Variants in SPEG observed in about 807,000 individuals in gnomAD.
The protein encoded by SPEG is striated muscle preferentially expressed protein kinase.
A neutral mutation model predicts 300.4 loss-of-function variants in SPEG; 114 were observed. The observed-to-expected ratio is 0.38, with a 90% CI of 0.33 to 0.44. SPEG has a LOEUF of 0.44. Ranked by LOEUF, SPEG falls within the 20% of genes least tolerant of loss-of-function variation. The pLI, the probability that SPEG is intolerant of heterozygous loss-of-function variation, is 1.00. For missense variants in SPEG, 4,201 were observed against 4,586.2 expected, an observed-to-expected ratio of 0.92 and a Z score of 2.43; for synonymous variants, 1,964 against 2,018.9, an observed-to-expected ratio of 0.97 and a Z score of 0.73.
chr2:219,464,402 C>A lies in SPEG; in HGVS notation c.2706-31C>A, dbSNP rs1215307671. 1 of 1,593,340 alleles carries A rather than the reference C, an allele frequency of 6.3e-7. No individual in the cohort carries two copies. The highest frequency in any genetic ancestry group is 8.5e-7 in the Non-Finnish European group (1 of 1,173,412). On this transcript the variant is annotated intron_variant, in intron 8 of 40. Transcript: ENST00000312358. This position sits in a 1 kb window ranked among gnomAD's most constrained non-coding sequence, Gnocchi z 4.5. ...TGTGCACGCACATCAGGCCCCTGGGCCCTGGGACTGAGTTCTTGCCCCTCT... is the reference window on the plus strand; with the variant it reads ...TGTGCACGCACATCAGGCCCCTGGGACCTGGGACTGAGTTCTTGCCCCTCT...
intron 6 of SPEG, chr2:219,461,489 C>T (rs1371864713): frequency 2.8e-6 from 3 of 1,076,130 alleles, no homozygotes; most frequent in East Asian, 9.1e-5. Context: ...GTTCCATAGA[C>T]CTGCTTCCCC....
rs762497356 is a variant in SPEG, at chr2:219,467,157, G to A, written c.2882-17G>A. On this transcript the variant is annotated splice_polypyrimidine_tract_variant and intron_variant, in intron 9 of 40. Transcript: ENST00000312358. ...TCTCTGCTCTGTGCGTGGCCCCCGT[G>A]GCTGCTTTCCCCTCAGCACACCCTG... is the stretch of plus-strand genomic sequence containing the variant. 6.4e-7 allele frequency: 1 copy of A among 1,559,590 alleles called. No individual in the cohort carries two copies. The highest frequency in any genetic ancestry group is 8.7e-7 in the Non-Finnish European group (1 of 1,154,116).
At position 219,484,001 on chromosome 2, in the gene SPEG, C is replaced by A. The variant is rs369282283; in HGVS notation, c.6538C>A (p.Arg2180=). 6.2e-7 allele frequency: 1 copy of A among 1,612,548 alleles called. No individual in the cohort carries two copies. Residue 2180 remains arginine, a synonymous_variant, in exon 30 of 41, where the codon CGG becomes AGG. Transcript: ENST00000312358. ...LSEAQPSSPA[R]PSAPKPSTPK... The stretch of plus-strand genomic sequence containing the variant: ...CGAGGCCCAGCCATCCAGCCCTGCA[C>A]GGCCCAGCGCCCCCAAACCCAGTAC...
chr2:219,492,105 CA>C lies in SPEG; in HGVS notation c.9462-4del, dbSNP rs758971696. On this transcript the variant is annotated splice_region_variant and splice_polypyrimidine_tract_variant and intron_variant, in intron 39 of 40. Transcript: ENST00000312358. ...CATACGTCAATCAAGCTATCTTCCC[CA>C]ACAGGCTCAGTGGACGCTCCCCGTT... 1.2e-6 allele frequency: 2 copies of C among 1,609,190 alleles called. No homozygotes were observed. Among genetic ancestry groups the C allele is most frequent in the Admixed American group, 1.7e-5 (1 of 59,618 alleles).
rs1005379403 is a variant in SPEG at position 219,460,792 on chromosome 2, G to A, written c.2441-1090G>A. On this transcript the variant is annotated intron_variant, in intron 6 of 40. Coordinates refer to ENST00000312358, the MANE Select transcript of SPEG (RefSeq NM_005876.5). Reference sequence around the variant, plus strand: ...AACCTCCTCCTTCCCCTCCTCAGGCGCCTTCCCCTCCCCCAGGGCCTTCTC... The same window carrying A: ...AACCTCCTCCTTCCCCTCCTCAGGCACCTTCCCCTCCCCCAGGGCCTTCTC... The A allele has an allele frequency of 1.8e-5, 18 of 985,906 alleles. No homozygotes were observed. In the Admixed American group the frequency reaches 7.4e-4, roughly 40 times the overall value. The allele number at this position is 985,906 out of a possible 1,614,324, so 61.1% of individuals were successfully genotyped here.
chr2:219,474,177 T>C, intron 18 of SPEG: 1 of 321,936 alleles, frequency 3.1e-6, no homozygotes, highest in Non-Finnish European at 5.8e-6. Context: ...CAGGAGTTCG[T>C]GACCAGCCTC....
At position 219,489,534 on chromosome 2, in the gene SPEG, G is replaced by A. The variant is rs1354555779; in HGVS notation, c.8516G>A (p.Gly2839Asp). The change falls in exon 36 of 41, where the codon GGT (glycine) becomes GAT (aspartate). Residue 2839 changes from glycine (G) to aspartate (D), a missense_variant. Physicochemically the swap from Gly to Asp is moderately conservative, Grantham distance 94. Transcript: ENST00000312358. ...SQALSSLKAV[G>D]PPPQTPPRRH... ...GCCTTGTCCTCGCTCAAGGCTGTGG[G>A]TCCACCACCCCAAACCCCTCCACGA... The A allele has an allele frequency of 1.2e-6, 2 of 1,613,236 alleles. No individual in the cohort carries two copies. The highest frequency in any genetic ancestry group is 1.7e-6 in the Non-Finnish European group (2 of 1,179,872).
intron 18 of SPEG, among the ~76,000 whole-genome samples, chr2:219,476,666 A>ACGGGG (rs955205950): frequency 3.9e-5 from 5 of 128,652 alleles, no homozygotes; most frequent in African/African-American, 1.2e-4. Context: ...GTTTGGATTT[A>ACGGGG]CGGGGCGGGG....
intron 8 of SPEG, among the ~76,000 whole-genome samples, chr2:219,463,071 G>T (rs535376702): frequency 6.6e-6 from 1 of 152,086 alleles, no homozygotes. Context: ...TTAGCTGGAC[G>T]TGGTAGTACA....
chr2:219,492,804 A>G lies in SPEG; in HGVS notation c.*18A>G. The G allele has an allele frequency of 6.4e-7, 1 of 1,560,680 alleles. No individual in the cohort carries two copies. Among genetic ancestry groups the G allele is most frequent in the East Asian group, 2.3e-5 (1 of 43,000 alleles). On this transcript the variant is annotated 3_prime_UTR_variant, in exon 41 of 41. Transcript: ENST00000312358. ...GCCCCTAGAGGCACGGACCACAGCC[A>G]GGCCTCGGGCTTCAACTGGGGTTCC...
Position 219,480,742 on chromosome 2 carries a change from A to G in SPEG, c.5369+45A>G, listed in dbSNP as rs1263887622. ...GTCCCAGCAGTCTCCTGGCAGGTCT[A>G]CCCCTAACCTTTGCAGGGCTGCAGC... is the stretch of plus-strand genomic sequence containing the variant. On this transcript the variant is annotated intron_variant, in intron 26 of 40. Coordinates refer to ENST00000312358, the MANE Select transcript of SPEG (RefSeq NM_005876.5). This position sits in a 1 kb window ranked among gnomAD's most constrained non-coding sequence, Gnocchi z 5.3. 6.3e-7 allele frequency: 1 copy of G among 1,599,224 alleles called. No homozygotes were observed. Among genetic ancestry groups the G allele is most frequent in the South Asian group, 1.1e-5 (1 of 90,804 alleles).
At chr2:219,457,740 C>G (rs1217343226) in intron 6 of SPEG, among the ~76,000 whole-genome samples, 1 of 152,160 alleles carries the variant, frequency 6.6e-6, no homozygotes, top group African/African-American at 2.4e-5. Context: ...GTGGGAGGCA[C>G]CTGCTTGAAC....
chr2:219,472,375 G>C (rs766027534), intron 15 of SPEG, 44 bp downstream of exon 15: 2 of 1,548,936 alleles, frequency 1.3e-6, no homozygotes, highest in South Asian at 2.2e-5. Context: ...AAGGGGTGTG[G>C]AGAAGGCAGG....
At position 219,484,631 on chromosome 2, in the gene SPEG, C is replaced by G. The variant is rs1213809866; in HGVS notation, c.7168C>G (p.Arg2390Gly). The part of the protein sequence containing the change: ...TPLELVRRPE[R>G]SRSVQDLRAV... Reference sequence around the variant, plus strand: ...GCTGGAGCTGGTGCGACGGCCTGAGCGCTCACGCTCGGTGCAGGACCTCAG... The same window carrying G: ...GCTGGAGCTGGTGCGACGGCCTGAGGGCTCACGCTCGGTGCAGGACCTCAG... Residue 2390 changes from arginine (R) to glycine (G), a missense_variant, in exon 30 of 41, where the codon CGC (arginine) becomes GGC (glycine). Physicochemically the swap from Arg to Gly is moderately radical, Grantham distance 125. Transcript: ENST00000312358. The G allele has an allele frequency of 1.3e-6, 2 of 1,541,254 alleles. No individual in the cohort carries two copies. Among genetic ancestry groups the G allele is most frequent in the South Asian group, 1.2e-5 (1 of 84,636 alleles).
At chr2:219,485,506 C>T in intron 31 of SPEG, 29 bp downstream of exon 31, 3 of 1,514,940 alleles carry the variant, frequency 2.0e-6, no homozygotes, top group South Asian at 1.3e-5. Flanking sequence ...GGTGAGGACC[C>T]TCCTCCCCTC....
rs995692614 is a variant in SPEG at position 219,483,885 on chromosome 2, G to T, written c.6422G>T (p.Arg2141Leu). The T allele has an allele frequency of 2.5e-6, 4 of 1,599,014 alleles. No homozygotes were observed. Among genetic ancestry groups the T allele is most frequent in the East Asian group, 2.2e-5 (1 of 44,712 alleles). Reference protein sequence around the residue: ...FSQGEAEPRGRHRRAGAPLEI... With the variant: ...FSQGEAEPRGLHRRAGAPLEI... The stretch of plus-strand genomic sequence containing the variant: ...CAGGGTGAGGCGGAGCCCCGGGGCC[G>T]GCACCGCCGAGCGGGGGCGCCCCTC... Residue 2141 changes from arginine to leucine, a missense_variant, in exon 30 of 41, where the codon CGG (arginine) becomes CTG (leucine). Coordinates refer to ENST00000312358, the MANE Select transcript of SPEG (RefSeq NM_005876.5).
rs751888203 is a variant in SPEG at position 219,489,896 on chromosome 2, G to C, written c.8878G>C (p.Gly2960Arg). 1.3e-6 allele frequency: 2 copies of C among 1,594,626 alleles called. No homozygotes were observed. The highest frequency in any genetic ancestry group is 2.2e-5 in the South Asian group (2 of 89,924). ...PRPEGTTLRQ[G>R]PPQKPYTFLE... Reference sequence around the variant, plus strand: ...GCCTGAGGGTACCACTCTTCGACAGGGTCCCCCTCAGAAACCCTACACCTT... The same window carrying C: ...GCCTGAGGGTACCACTCTTCGACAGCGTCCCCCTCAGAAACCCTACACCTT... Residue 2960 changes from glycine to arginine, a missense_variant, in exon 36 of 41, where the codon GGT (glycine) becomes CGT (arginine). Gly to Arg is a moderately radical substitution (Grantham distance 125). Coordinates refer to ENST00000312358, the MANE Select transcript of SPEG (RefSeq NM_005876.5).
In SPEG at chr2:219,468,751, C is replaced by T; in HGVS notation, c.3301+15C>T. ...GACTCATTTTGGTACGGCCCCTGTGCTGCAGGTGTTGAGGGCCCCCCCAAG... is the reference window on the plus strand; with the variant it reads ...GACTCATTTTGGTACGGCCCCTGTGTTGCAGGTGTTGAGGGCCCCCCCAAG... On this transcript the variant is annotated intron_variant, in intron 11 of 40. Coordinates refer to ENST00000312358, the MANE Select transcript of SPEG (RefSeq NM_005876.5). 1 of 1,613,208 alleles carries T rather than the reference C, an allele frequency of 6.2e-7. No individual in the cohort carries two copies.
intron 6 of SPEG, chr2:219,461,137 G>A: frequency 2.3e-5 from 21 of 918,434 alleles, no homozygotes; most frequent in Non-Finnish European, 2.7e-5. Context: ...GCCAGTTGCA[G>A]GGGAGGGCGT....
Sources: gnomAD v4.1 joint callset for allele counts (sites outside exome capture counted in the v4.1 genomes callset) on GRCh38, gnomAD v4.1.1 for gene constraint, Gnocchi (gnomAD v3.1) non-coding constraint, MANE v1.5 for transcripts, NCBI Gene and HGNC (gene_info 2026-07-23, HGNC 2026-07-21) for gene names.